ACSM6: variants seen among roughly 807,000 people sequenced by gnomAD.
ACSM6 encodes acyl-CoA synthetase medium chain family member 6.
In ACSM6, 35 loss-of-function variants were observed where a neutral mutation model predicts 51.1. The ratio of observed to expected loss-of-function variants is 0.69; its 90% CI spans 0.52 to 0.91. ACSM6 has a LOEUF of 0.91. Among genes scored for constraint, ACSM6 ranks in the 40% least tolerant of loss-of-function variants. ACSM6 has a pLI of 0.00. For missense variants in ACSM6, 509 were observed against 584.1 expected (o/e 0.87, Z 1.32); for synonymous variants, 172 against 207.3 (o/e 0.83, Z 1.46).
chr10:95,226,881 CTATT>C (rs1301922942), intron 10 of ACSM6, among the ~76,000 whole-genome samples: 2 of 151,810 alleles, frequency 1.3e-5, no homozygotes, highest in African/African-American at 2.4e-5. Context: ...CATTCTTTTT[CTATT>C]TATTTGTCTT....
intron 4 of ACSM6, among the ~76,000 whole-genome samples, chr10:95,209,310 C>T (rs937794333): frequency 5.3e-5 from 8 of 151,840 alleles, no homozygotes; most frequent in Non-Finnish European, 1.0e-4. Flanking sequence ...ACCTGAAGTG[C>T]GGAGAGTGGG....
chr10:95,218,251 A>G (rs934943803), intron 8 of ACSM6, among the ~76,000 whole-genome samples: 5 of 152,228 alleles, frequency 3.3e-5, no homozygotes, highest in African/African-American at 1.2e-4. Flanking sequence ...TGCATGGGAG[A>G]AAATGTACAT....
At position 95,210,632 on chromosome 10, in the gene ACSM6, C is replaced by G; in HGVS notation, c.612-18C>G. On this transcript the variant is annotated intron_variant, in intron 4 of 10. Transcript: ENST00000341686. ...ACCTAAATTTAGATCTCACTGTTGC[C>G]TCTTTCCTGGCTTACAGAGTTGCCC... The G allele has an allele frequency of 6.2e-7, 1 of 1,609,408 alleles. No homozygotes were observed. The highest frequency in any genetic ancestry group is 8.5e-7 in the Non-Finnish European group (1 of 1,178,414).
At chr10:95,212,785 G>A (rs947036684) in intron 6 of ACSM6, 73 bp from the exon 7 acceptor site, 7 of 1,213,824 alleles carry the variant, frequency 5.8e-6, no homozygotes, top group Non-Finnish European at 7.3e-6. Context: ...TTTCCCGCCT[G>A]GACCCCTGCC....
exon 7 of ACSM6, chr10:95,212,898 C>A: frequency 6.2e-7 from 1 of 1,613,844 alleles, no homozygotes; most frequent in Non-Finnish European, 8.5e-7. Context: ...TCTGCAAATC[C>A]AGAGATGTAC....
At chr10:95,228,886 G>A in exon 11 of ACSM6, 2 of 1,187,826 alleles carry the variant, frequency 1.7e-6, no homozygotes, top group Non-Finnish European at 2.2e-6. Context: ...TTTAGAAAAT[G>A]CAAACAACCA....
intron 3 of ACSM6, among the ~76,000 whole-genome samples, chr10:95,203,848 T>G: frequency 7.9e-6 from 1 of 126,708 alleles, no homozygotes; most frequent in African/African-American, 3.1e-5. Context: ...CTAACAGGGA[T>G]GCTAGATTTA....
chr10:95,217,821 A>G (rs1467063324), intron 8 of ACSM6, among the ~76,000 whole-genome samples: 1 of 152,246 alleles, frequency 6.6e-6, no homozygotes, highest in Non-Finnish European at 1.5e-5. Context: ...TTAGAAAGCT[A>G]AAGAAAATTC....
intron 10 of ACSM6, chr10:95,225,606 T>A: frequency 2.3e-6 from 1 of 430,842 alleles, no homozygotes; most frequent in Non-Finnish European, 4.1e-6. Flanking sequence ...ACATTTTTGA[T>A]GAGACATTTG....
chr10:95,206,925 C>G (rs2034843807), intron 3 of ACSM6, among the ~76,000 whole-genome samples: 1 of 152,174 alleles, frequency 6.6e-6, no homozygotes, highest in Non-Finnish European at 1.5e-5. Flanking sequence ...GGCTATATTT[C>G]AAGTAACTGG....
chr10:95,209,734 CAA>C (rs1384875610), intron 4 of ACSM6, among the ~76,000 whole-genome samples: 2 of 151,686 alleles, frequency 1.3e-5, no homozygotes, highest in Non-Finnish European at 2.9e-5. Context: ...TAAATTTCCA[CAA>C]ATATTTATTT....
intron 4 of ACSM6, among the ~76,000 whole-genome samples, chr10:95,208,083 G>C (rs540897784): frequency 1.4e-3 from 206 of 152,078 alleles, no homozygotes; most frequent in South Asian, 3.7e-3. Context: ...TGAGGTTGCA[G>C]TGAGCCGAGA....
chr10:95,225,683 T>G (rs1564592801), intron 10 of ACSM6: 2 of 253,480 alleles, frequency 7.9e-6, no homozygotes, highest in Non-Finnish European at 1.5e-5. Context: ...TAATAAGGAC[T>G]TTCTTCTTAA....
chr10:95,196,227 G>C (rs1239550789), intron 2 of ACSM6, among the ~76,000 whole-genome samples: 1 of 152,200 alleles, frequency 6.6e-6, no homozygotes, highest in Non-Finnish European at 1.5e-5. Flanking sequence ...TACAGACAAA[G>C]GCCCAGCTGG....
At chr10:95,216,857 C>T (rs1357841874) in intron 8 of ACSM6, among the ~76,000 whole-genome samples, 2 of 152,130 alleles carry the variant, frequency 1.3e-5, no homozygotes, top group African/African-American at 4.8e-5. Context: ...TCTATCTAGA[C>T]ACCATGTGAA....
At chr10:95,199,946 G>A (rs1030543724) in intron 2 of ACSM6, among the ~76,000 whole-genome samples, 784 of 152,282 alleles carry the variant, frequency 5.1e-3, no homozygotes, top group Middle Eastern at 6.8e-3. Context: ...CAGTGTGGCC[G>A]TTCCTCAGGG....
At chr10:95,198,903 A>T (rs1383324791) in intron 2 of ACSM6, among the ~76,000 whole-genome samples, 1 of 152,298 alleles carries the variant, frequency 6.6e-6, no homozygotes, top group Admixed American at 6.5e-5. Flanking sequence ...GGAAGAATCA[A>T]TATCATGAAA....
chr10:95,214,708 G>T, intron 7 of ACSM6, 144 bp from the exon 8 acceptor site: 1 of 838,834 alleles, frequency 1.2e-6, no homozygotes, highest in East Asian at 2.7e-5. Context: ...ATCTAATAGA[G>T]TAGTATTAAG....
chr10:95,214,940 T>C (rs1358713877), exon 8 of ACSM6: 6 of 1,551,444 alleles, frequency 3.9e-6, no homozygotes, highest in Middle Eastern at 1.7e-4. Flanking sequence ...CATCACTAAG[T>C]TGGACATCTA....
Sources: allele counts gnomAD v4.1 joint callset (sites outside exome capture counted in the v4.1 genomes callset), GRCh38; gene constraint gnomAD v4.1.1; transcripts MANE v1.5; gene names NCBI Gene and HGNC (gene_info 2026-07-23, HGNC 2026-07-21).